Variants in MND1 observed in about 807,000 individuals in gnomAD.
MND1 encodes the protein meiotic nuclear division protein 1 homolog.
In MND1, 28 loss-of-function variants were observed where a neutral mutation model predicts 35.1. That is an observed-to-expected ratio of 0.80 (90% CI 0.59 to 1.09). The LOEUF (loss-of-function observed/expected upper bound fraction) is 1.09. Ranked by LOEUF, MND1 falls within the 50% of genes least tolerant of loss-of-function variation. MND1 has a pLI of 0.00. For synonymous variants in MND1, 69 were observed against 70.5 expected, an observed-to-expected ratio of 0.98 and a Z score of 0.11; for missense variants, 213 against 239.6, an observed-to-expected ratio of 0.89 and a Z score of 0.73.
intron 1 of MND1, among the ~76,000 whole-genome samples, chr4:153,346,267 T>C (rs946934742): frequency 6.6e-6 from 1 of 152,346 alleles, no homozygotes; most frequent in Non-Finnish European, 1.5e-5. Context: ...GTCTACTTAA[T>C]AATTCTTCAT....
At chr4:153,372,145 C>A (rs917723167) in intron 4 of MND1, among the ~76,000 whole-genome samples, 2 of 151,910 alleles carry the variant, frequency 1.3e-5, no homozygotes, top group Non-Finnish European at 2.9e-5. Flanking sequence ...TCACAGATCA[C>A]CGTGACAGAT....
At chr4:153,400,554 G>GC (rs1474718085) in intron 6 of MND1, among the ~76,000 whole-genome samples, 2 of 152,014 alleles carry the variant, frequency 1.3e-5, no homozygotes, top group Non-Finnish European at 2.9e-5. Flanking sequence ...GGTCATGCTG[G>GC]CATGCGCTTT....
At chr4:153,381,785 C>A (rs1201690615) in intron 4 of MND1, 1 of 135,454 alleles carries the variant, frequency 7.4e-6, no homozygotes, top group Non-Finnish European at 1.5e-5. Flanking sequence ...TGGCCATGAT[C>A]CCACTACTGA....
intron 4 of MND1, among the ~76,000 whole-genome samples, chr4:153,365,056 A>G (rs562450742): frequency 6.6e-6 from 1 of 151,890 alleles, no homozygotes; most frequent in South Asian, 2.1e-4. Context: ...AGATAGTTCC[A>G]CTGGCACTCC....
chr4:153,377,745 A>C (rs1728550956), intron 4 of MND1, among the ~76,000 whole-genome samples: 1 of 152,240 alleles, frequency 6.6e-6, no homozygotes. Context: ...ACTATAGCGC[A>C]GTGATTTAAG....
At chr4:153,413,714 A>G (rs1251162659) in intron 7 of MND1, among the ~76,000 whole-genome samples, 1 of 150,710 alleles carries the variant, frequency 6.6e-6, no homozygotes, top group African/African-American at 2.4e-5. Flanking sequence ...AAAAAAATCC[A>G]CTGTTCCTCC....
At chr4:153,384,654 G>T (rs1166583693) in intron 4 of MND1, among the ~76,000 whole-genome samples, 2 of 151,616 alleles carry the variant, frequency 1.3e-5, no homozygotes, top group Admixed American at 1.3e-4. Context: ...CACTTGTTAG[G>T]CTCTGACTCT....
chr4:153,379,926 G>A (rs1038518580), intron 4 of MND1, among the ~76,000 whole-genome samples: 1 of 151,306 alleles, frequency 6.6e-6, no homozygotes, highest in Non-Finnish European at 1.5e-5. Flanking sequence ...GGAGGCTGAG[G>A]TAGGAGGATG....
intron 3 of MND1, among the ~76,000 whole-genome samples, chr4:153,357,360 A>C (rs1285096629): frequency 6.6e-6 from 1 of 152,178 alleles, no homozygotes; most frequent in Non-Finnish European, 1.5e-5. Flanking sequence ...ACCCTGGAAC[A>C]ACACCTATGT....
intron 4 of MND1, among the ~76,000 whole-genome samples, chr4:153,393,322 G>T (rs890220683): frequency 4.0e-5 from 6 of 150,340 alleles, no homozygotes; most frequent in South Asian, 2.1e-4. Flanking sequence ...TTTGCAGAGA[G>T]AATTTATATA....
chr4:153,378,342 T>C (rs1360588891), intron 4 of MND1, among the ~76,000 whole-genome samples: 1 of 152,208 alleles, frequency 6.6e-6, no homozygotes, highest in African/African-American at 2.4e-5. Flanking sequence ...TTTTAACTTT[T>C]TTTTCTACTA....
chr4:153,399,998 C>T (rs921893097), intron 6 of MND1, among the ~76,000 whole-genome samples: 3 of 147,416 alleles, frequency 2.0e-5, no homozygotes, highest in Non-Finnish European at 4.4e-5. Flanking sequence ...CCCCCGCAAG[C>T]TCAAGTCATT....
At chr4:153,364,197 G>A (rs1287087693) in intron 4 of MND1, among the ~76,000 whole-genome samples, 1 of 152,106 alleles carries the variant, frequency 6.6e-6, no homozygotes, top group Non-Finnish European at 1.5e-5. Flanking sequence ...CAGTATGGTG[G>A]CTCCTCAAAG....
intron 4 of MND1, among the ~76,000 whole-genome samples, chr4:153,376,332 AGTGT>A (rs1713772071): frequency 6.6e-6 from 1 of 152,058 alleles, no homozygotes; most frequent in Admixed American, 6.6e-5. Context: ...AAAAGGAGTG[AGTGT>A]GTTTGTGGTC....
Position 153,397,256 on chromosome 4 carries a change from T to C in MND1, c.389T>C (p.Leu130Pro). 1 of 1,612,840 alleles carries C rather than the reference T, an allele frequency of 6.2e-7. No homozygotes were observed. The highest frequency in any genetic ancestry group is 1.3e-5 in the African/African-American group (1 of 75,020). Residue 130 changes from leucine (L) to proline (P), a missense_variant, in exon 6 of 8, where the codon CTT becomes CCT. Coordinates refer to ENST00000240488, the MANE Select transcript of MND1 (RefSeq NM_032117.4). ...RTRLAKELSSLRDQREQLKAE... is the reference protein window; with the variant it reads ...RTRLAKELSSPRDQREQLKAE... ...AGGCTAGCAAAAGAGCTTTCTTCAC[T>C]TCGAGACCAAAGGGAACAGCTAAAG...
At position 153,344,699 on chromosome 4, in the gene MND1, A is replaced by C; in HGVS notation, c.-39A>C. 6.4e-7 allele frequency: 1 copy of C among 1,570,106 alleles called. No homozygotes were observed. The highest frequency in any genetic ancestry group is 8.6e-7 in the Non-Finnish European group (1 of 1,159,388). On this transcript the variant is annotated 5_prime_UTR_variant, in exon 1 of 8. Coordinates refer to ENST00000240488, the MANE Select transcript of MND1 (RefSeq NM_032117.4). ...CTGGCCTGTCCCGCCCCTCTCCCCA[A>C]GCGCGGGCCCGGCCAGCGGAAGCCC... is the stretch of plus-strand genomic sequence containing the variant.
At chr4:153,408,508 G>A (rs563794873) in intron 6 of MND1, among the ~76,000 whole-genome samples, 1 of 152,244 alleles carries the variant, frequency 6.6e-6, no homozygotes, top group Admixed American at 6.5e-5. Context: ...CCCGCTATGA[G>A]ATTACTTTCT....
intron 6 of MND1, among the ~76,000 whole-genome samples, chr4:153,398,902 A>G (rs1419672774): frequency 6.6e-6 from 1 of 152,238 alleles, no homozygotes. Context: ...CGTATGATTC[A>G]TCTTCAAAAG....
At chr4:153,380,931 G>A (rs921476768) in intron 4 of MND1, among the ~76,000 whole-genome samples, 1 of 151,210 alleles carries the variant, frequency 6.6e-6, no homozygotes, top group Non-Finnish European at 1.5e-5. Flanking sequence ...GCAGACTGTC[G>A]CTCTGTTGCC....
Sources: gnomAD v4.1 joint callset for allele counts (sites outside exome capture counted in the v4.1 genomes callset) on GRCh38, gnomAD v4.1.1 for gene constraint, MANE v1.5 for transcripts, NCBI Gene and HGNC (gene_info 2026-07-23, HGNC 2026-07-21) for gene names.